CCDC14: variants seen among roughly 807,000 people sequenced by gnomAD.
CCDC14 encodes the protein coiled-coil domain containing 14, also known as coiled-coil domain-containing protein 14.
CCDC14 carries 71 observed loss-of-function variants against 81.4 expected under a neutral mutation model. The ratio of observed to expected loss-of-function variants is 0.87; its 90% CI spans 0.72 to 1.06. CCDC14 has a LOEUF of 1.06. Among genes scored for constraint, CCDC14 ranks in the 50% least tolerant of loss-of-function variants. CCDC14 has a pLI of 0.00. For missense variants in CCDC14, 1,046 were observed against 1,047.3 expected (o/e 1.00, Z 0.02); for synonymous variants, 332 against 364.8 (o/e 0.91, Z 1.03).
intron 1 of CCDC14, among the ~76,000 whole-genome samples, chr3:123,959,216 ATT>A (rs2037523419): frequency 6.6e-6 from 1 of 152,174 alleles, no homozygotes; most frequent in Admixed American, 6.5e-5. Context: ...GAATCTCCAT[ATT>A]GTTTTCCATA....
At chr3:123,938,167 T>A (rs6438820) in intron 9 of CCDC14, among the ~76,000 whole-genome samples, 123,812 of 151,714 alleles carry the variant, frequency 0.82, 51,057 homozygotes, top group African/African-American at 0.93. Context: ...TAAATATTTT[T>A]AAAAAGCATG....
Position 123,914,843 on chromosome 3 carries a change from G to A in CCDC14, c.2654C>T (p.Ala885Val), listed in dbSNP as rs756018919. The A allele has an allele frequency of 1.6e-5, 25 of 1,604,640 alleles. No individual in the cohort carries two copies. The highest frequency in any genetic ancestry group is 1.2e-4 in the African/African-American group (9 of 74,786). The change falls in exon 13 of 13, where the codon GCG (alanine) becomes GTG (valine). Residue 885 changes from alanine (A) to valine (V), a missense_variant. By Grantham distance (64) the Ala-to-Val change is moderately conservative. Coordinates refer to ENST00000409697, the MANE Select transcript of CCDC14 (RefSeq NM_001366335.1). ...RDEQDFRNGLAALDANIARLQ... is the reference protein window; with the variant it reads ...RDEQDFRNGLVALDANIARLQ... ...TCTAGCTATGTTGGCATCTAATGCC[G>A]CAAGGCCATTTCTGAAGTCTTGTTC...
chr3:123,887,321 C>T, the CCDC14 span, among the ~76,000 whole-genome samples: 1 of 152,018 alleles, frequency 6.6e-6, no homozygotes, highest in Non-Finnish European at 1.5e-5. Context: ...GAAAGCTTGT[C>T]CTCTACTAGA....
chr3:123,957,930 T>A (rs1313394328), intron 1 of CCDC14: 1 of 152,148 alleles, frequency 6.6e-6, no homozygotes, highest in East Asian at 1.9e-4. Context: ...CATCTCCAGA[T>A]AGCTTTGAGC....
At chr3:123,920,154 TG>T (rs1479715508) in intron 12 of CCDC14, among the ~76,000 whole-genome samples, 3 of 152,088 alleles carry the variant, frequency 2.0e-5, no homozygotes, top group African/African-American at 7.2e-5. Flanking sequence ...ATAGTATACT[TG>T]ATCAAGCAGA....
chr3:123,930,378 C>T (rs535829871), intron 12 of CCDC14, among the ~76,000 whole-genome samples: 16 of 152,216 alleles, frequency 1.1e-4, no homozygotes, highest in South Asian at 1.0e-3. Flanking sequence ...TAGGATCATT[C>T]GAAGACAAAG....
intron 9 of CCDC14, among the ~76,000 whole-genome samples, chr3:123,942,236 C>T (rs923815380): frequency 6.6e-6 from 1 of 152,004 alleles, no homozygotes. Flanking sequence ...TCTGTAAATG[C>T]GAGTAAATAG....
Position 123,942,376 on chromosome 3 carries a change from T to C in CCDC14, c.1343+2473A>G, listed in dbSNP as rs139618956. The stretch of plus-strand genomic sequence containing the variant: ...GTTCATTATTTTATTATTTACTCAC[T>C]TTTGGTTTTAAAAATTTATGCTGGT... On this transcript the variant is annotated intron_variant, in intron 9 of 12. Transcript: ENST00000409697. Among the ~76,000 whole-genome samples the C allele has an allele frequency of 6.2e-3, 939 of 152,204 alleles. 5 individuals are homozygous for C. The highest frequency in any genetic ancestry group is 0.022 in the African/African-American group (904 of 41,558).
intron 10 of CCDC14, among the ~76,000 whole-genome samples, chr3:123,932,153 A>G (rs561024555): frequency 5.3e-5 from 8 of 152,346 alleles, no homozygotes; most frequent in Admixed American, 3.9e-4. Flanking sequence ...AGAGATGAAC[A>G]ACACAGACGT....
chr3:123,956,404 C>T lies in CCDC14; in HGVS notation c.110G>A (p.Arg37His), dbSNP rs112967699. The T allele has an allele frequency of 4.2e-5, 65 of 1,546,866 alleles. No homozygotes were observed. The highest frequency in any genetic ancestry group is 9.9e-5 in the Admixed American group (5 of 50,450). ...GGAATAGCCAGAATCTGCATTAAAA[C>T]GTGGTATTTTTCTTAAATAGGTCCT... ...KKATYLRKIP[R>H]FNADSGYSIH... The change falls in exon 3 of 13, where the codon CGT becomes CAT. Residue 37 changes from arginine (R) to histidine (H), a missense_variant. Physicochemically the swap from Arg to His is conservative, Grantham distance 29. Coordinates refer to ENST00000409697, the MANE Select transcript of CCDC14 (RefSeq NM_001366335.1).
At position 123,913,955 on chromosome 3, in the gene CCDC14, C is replaced by T; in HGVS notation, c.*824G>A. 2 of 985,182 alleles carry T rather than the reference C, an allele frequency of 2.0e-6. No homozygotes were observed. The highest frequency in any genetic ancestry group is 1.2e-6 in the Non-Finnish European group (1 of 829,404). The allele number at this position is 985,182 out of a possible 1,614,324, so 61.0% of individuals were successfully genotyped here. A position where few individuals can be genotyped will look rare whatever the true frequency, so the allele number is the denominator to read the frequency against. ...TAAAATAGAGAATATTCTCAGCTAA[C>T]ATGCTGGGAGAAAAAATTCTTCCAA... On this transcript the variant is annotated 3_prime_UTR_variant, in exon 13 of 13. Coordinates refer to ENST00000409697, the MANE Select transcript of CCDC14 (RefSeq NM_001366335.1).
At chr3:123,933,648 CA>C in intron 10 of CCDC14, 24 bp downstream of exon 10, 1 of 1,488,124 alleles carries the variant, frequency 6.7e-7, no homozygotes, top group Non-Finnish European at 9.2e-7. Context: ...AATAATTTAT[CA>C]ATCCTTAAAG....
intron 5 of CCDC14, among the ~76,000 whole-genome samples, chr3:123,901,328 A>G (rs1248362932): frequency 6.6e-6 from 1 of 152,178 alleles, no homozygotes; most frequent in East Asian, 1.9e-4. Context: ...TCAATTCAAT[A>G]TAGCATTAGC....
chr3:123,898,464 G>A (rs1308127454), intron 5 of CCDC14, among the ~76,000 whole-genome samples: 1 of 152,048 alleles, frequency 6.6e-6, no homozygotes, highest in East Asian at 1.9e-4. Context: ...CTCTATCTGT[G>A]CAGTCTTCAT....
chr3:123,914,240 A>C lies in CCDC14; in HGVS notation c.*539T>G. ...TATCTATATATTTTTTAGACCAATCAATGTTTTTTAAGAGGTGTAGATACT... is the reference window on the plus strand; with the variant it reads ...TATCTATATATTTTTTAGACCAATCCATGTTTTTTAAGAGGTGTAGATACT... On this transcript the variant is annotated 3_prime_UTR_variant, in exon 13 of 13. Transcript: ENST00000409697. The C allele has an allele frequency of 3.0e-6, 3 of 984,320 alleles. No individual in the cohort carries two copies. The highest frequency in any genetic ancestry group is 3.6e-6 in the Non-Finnish European group (3 of 828,560). 61.0% of individuals were successfully genotyped at this position (984,320 alleles called of 1,614,324 possible).
intron 5 of CCDC14, among the ~76,000 whole-genome samples, chr3:123,951,368 A>T (rs1336031296): frequency 1.3e-5 from 2 of 152,202 alleles, no homozygotes; most frequent in Admixed American, 1.3e-4. Flanking sequence ...CCCCTCTGAG[A>T]TGATTAAAAT....
chr3:123,919,330 T>C (rs1197387436), intron 12 of CCDC14, among the ~76,000 whole-genome samples: 2 of 152,184 alleles, frequency 1.3e-5, no homozygotes, highest in Non-Finnish European at 2.9e-5. Flanking sequence ...GCCTGAGGTT[T>C]TGCCCAGGCC....
intron 12 of CCDC14, among the ~76,000 whole-genome samples, chr3:123,926,847 T>C (rs189978964): frequency 3.3e-5 from 5 of 152,226 alleles, no homozygotes; most frequent in Non-Finnish European, 5.9e-5. Context: ...AAAACACACA[T>C]ACCAAAACCA....
rs1283899116 is a variant in CCDC14, at chr3:123,915,127, T to C, written c.2370A>G (p.Ala790=). The change falls in exon 13 of 13, where the codon GCA becomes GCG. Residue 790 remains alanine (A), a synonymous_variant. Coordinates refer to ENST00000409697, the MANE Select transcript of CCDC14 (RefSeq NM_001366335.1). ...TGGAAAGTTTTTCAGGTGCATCTTCTGCTTCCTTTGTTGAAGAGGAACAGA... is the reference window on the plus strand; with the variant it reads ...TGGAAAGTTTTTCAGGTGCATCTTCCGCTTCCTTTGTTGAAGAGGAACAGA... ...PVICSSSTKE[A]EDAPEKLSRA... is the part of the protein sequence containing the mutation. The C allele has an allele frequency of 6.2e-7, 1 of 1,613,932 alleles. No individual in the cohort carries two copies. Among genetic ancestry groups the C allele is most frequent in the Admixed American group, 1.7e-5 (1 of 60,010 alleles).
Sources: allele counts gnomAD v4.1 joint callset (sites outside exome capture counted in the v4.1 genomes callset), GRCh38; gene constraint gnomAD v4.1.1; transcripts MANE v1.5; gene names NCBI Gene and HGNC (gene_info 2026-07-23, HGNC 2026-07-21).